HOXC4: variants seen among roughly 807,000 people sequenced by gnomAD.
HOXC4 encodes the protein homeobox protein Hox-C4.
Under a neutral mutation model 25.5 loss-of-function variants are expected in HOXC4, and 15 were observed. The observed-to-expected ratio is 0.59, with a 90% CI of 0.39 to 0.91. The LOEUF is 0.91. HOXC4 is among the 40% of genes least tolerant of loss of function. HOXC4 has a pLI of 0.00. For synonymous variants in HOXC4, 165 were observed against 148.0 expected (o/e 1.11, Z -0.83); for missense variants, 342 against 352.4 (o/e 0.97, Z 0.24).
intron 1 of HOXC4, chr12:54,028,357 C>G (rs1182940950): frequency 1.5e-6 from 1 of 670,714 alleles, no homozygotes; most frequent in East Asian, 2.8e-5. Flanking sequence ...TTTTTTCCCC[C>G]TTCCTGACAT....
intron 1 of HOXC4, among the ~76,000 whole-genome samples, chr12:54,019,666 GC>G (rs1038536730): frequency 2.6e-5 from 4 of 151,932 alleles, no homozygotes; most frequent in Admixed American, 2.6e-4. Context: ...TATTAGAAGG[GC>G]CCCCTCCCAC....
At chr12:54,029,881 C>A in intron 1 of HOXC4, 4 of 1,611,678 alleles carry the variant, frequency 2.5e-6, no homozygotes, top group Non-Finnish European at 3.4e-6. Context: ...TCTCGGGGGG[C>A]GGCGGAGGGG....
At chr12:54,030,526 G>A (rs1940946265) in intron 1 of HOXC4, 3 of 152,690 alleles carry the variant, frequency 2.0e-5, no homozygotes, top group Non-Finnish European at 4.4e-5. Context: ...AGAATCCTGG[G>A]GGTCATTATG....
intron 1 of HOXC4, chr12:54,028,808 C>T: frequency 1.9e-6 from 3 of 1,614,182 alleles, no homozygotes; most frequent in Non-Finnish European, 2.5e-6. Context: ...GGACATAACA[C>T]ACAGACCTCA....
intron 1 of HOXC4, among the ~76,000 whole-genome samples, chr12:54,048,539 T>C (rs898926369): frequency 2.0e-5 from 3 of 152,188 alleles, no homozygotes; most frequent in Non-Finnish European, 4.4e-5. Context: ...GGAGCACCCT[T>C]CTTGTGAAGC....
chr12:54,040,374 C>T (rs2136455955), intron 1 of HOXC4, among the ~76,000 whole-genome samples: 1 of 152,322 alleles, frequency 6.6e-6, no homozygotes, highest in African/African-American at 2.4e-5. Context: ...GGCCCTGTTC[C>T]TTCCTCCCTC....
chr12:54,054,957 C>T lies in HOXC4; in HGVS notation c.547C>T (p.Arg183Ter). The T allele has an allele frequency of 6.2e-7, 1 of 1,614,070 alleles. No individual in the cohort carries two copies. The highest frequency in any genetic ancestry group is 8.5e-7 in the Non-Finnish European group (1 of 1,180,018). Residue 183 changes from arginine to a stop codon, truncating the protein, a stop_gained, in exon 2 of 2, where the codon CGA becomes TGA. Transcript: ENST00000430889. LOFTEE classifies it high-confidence loss of function. The part of the protein sequence containing the change: ...KEFHYNRYLT[R>*]RRRIEIAHSL... ...GTTTCATTACAACCGCTACCTGACC[C>T]GAAGGAGAAGGATCGAGATCGCCCA...
intron 1 of HOXC4, chr12:54,029,854 T>G (rs983478792): frequency 6.2e-7 from 1 of 1,613,514 alleles, no homozygotes; most frequent in South Asian, 1.1e-5. Flanking sequence ...AAAAAGAATC[T>G]AATCTCACAT....
At position 54,053,848 on chromosome 12, in the gene HOXC4, C is replaced by T. The variant is rs1937903213; in HGVS notation, c.-75C>T. 3 of 1,164,874 alleles carry T rather than the reference C, an allele frequency of 2.6e-6. No homozygotes were observed. The East Asian group carries it at 7.1e-5, about 28-fold the overall frequency. 72.2% of individuals were successfully genotyped at this position (1,164,874 alleles called of 1,614,324 possible). ...CATGGTGAAAGTAACTTTACAGGGTCGCTAGCTAGTAGGAGGGCTTTATGG... is the reference window on the plus strand; with the variant it reads ...CATGGTGAAAGTAACTTTACAGGGTTGCTAGCTAGTAGGAGGGCTTTATGG... On this transcript the variant is annotated 5_prime_UTR_variant, in exon 1 of 2. Transcript: ENST00000430889.
chr12:54,052,729 C>A (rs971126920), upstream of HOXC4, among the ~76,000 whole-genome samples: 2 of 152,168 alleles, frequency 1.3e-5, no homozygotes, highest in Non-Finnish European at 2.9e-5. Flanking sequence ...GCCGTGCCTC[C>A]CCAACTTGGT....
upstream of HOXC4, among the ~76,000 whole-genome samples, chr12:54,050,427 G>T (rs1414933212): frequency 6.6e-6 from 1 of 152,220 alleles, no homozygotes; most frequent in Non-Finnish European, 1.5e-5. Context: ...GGCAAAGTGA[G>T]GTTGAGGACA....
At chr12:54,037,315 A>G (rs1484422453) in intron 1 of HOXC4, among the ~76,000 whole-genome samples, 1 of 152,172 alleles carries the variant, frequency 6.6e-6, no homozygotes, top group Admixed American at 6.5e-5. Flanking sequence ...ACATATTTCC[A>G]GGTAACAGGG....
At chr12:54,029,621 T>C (rs1940903615) in intron 1 of HOXC4, 1 of 1,593,944 alleles carries the variant, frequency 6.3e-7, no homozygotes, top group Non-Finnish European at 8.6e-7. Context: ...GCTTTGCTGA[T>C]TGCTTTTAGT....
chr12:54,036,021 T>C (rs1941177708), intron 1 of HOXC4, among the ~76,000 whole-genome samples: 2 of 151,906 alleles, frequency 1.3e-5, no homozygotes, highest in East Asian at 3.9e-4. Flanking sequence ...GACAATTAAC[T>C]GGGAAAGGAG....
intron 1 of HOXC4, chr12:54,030,139 A>T: frequency 1.7e-6 from 1 of 601,490 alleles, no homozygotes; most frequent in Non-Finnish European, 2.8e-6. Context: ...CCCTCACCGC[A>T]CAACTCTCTT....
intron 1 of HOXC4, chr12:54,033,089 A>G: frequency 6.4e-7 from 1 of 1,570,378 alleles, no homozygotes; most frequent in African/African-American, 1.4e-5. Flanking sequence ...CTTAATCAAA[A>G]AGGGTGCAGA....
Position 54,055,066 on chromosome 12 carries a change from A to C in HOXC4, c.656A>C (p.Asn219Thr). Residue 219 changes from asparagine (N) to threonine (T), a missense_variant, in exon 2 of 2, where the codon AAC becomes ACC. Transcript: ENST00000430889. ...MKWKKDHRLPNTKVRSAPPAG... is the reference protein window; with the variant it reads ...MKWKKDHRLPTTKVRSAPPAG... The stretch of plus-strand genomic sequence containing the variant: ...TGGAAGAAGGACCACCGACTCCCCA[A>C]CACCAAAGTCAGGTCAGCACCCCCG... 6.2e-7 allele frequency: 1 copy of C among 1,613,790 alleles called. No homozygotes were observed. Among genetic ancestry groups the C allele is most frequent in the Non-Finnish European group, 8.5e-7 (1 of 1,179,960 alleles).
At chr12:54,039,587 A>C (rs999841320) in intron 1 of HOXC4, among the ~76,000 whole-genome samples, 1 of 151,968 alleles carries the variant, frequency 6.6e-6, no homozygotes, top group Admixed American at 6.6e-5. Context: ...ATTGGAAAAA[A>C]CTAATTATCA....
At position 54,033,525 on chromosome 12, in the gene HOXC4, C is replaced by A. The variant is rs781557948; in HGVS notation, c.-124+16111C>A. 7.7e-6 allele frequency: 12 copies of A among 1,561,366 alleles called. No individual in the cohort carries two copies. The highest frequency in any genetic ancestry group is 4.0e-5 in the African/African-American group (3 of 74,334). The stretch of plus-strand genomic sequence containing the variant: ...GCAGCCCGCCGGACTGAGCCAGCCA[C>A]CGGCCCCGCCACAGATTTACCCGTG... On this transcript the variant is annotated intron_variant, in intron 1 of 3. Transcript: ENST00000303406.
Sources: gnomAD v4.1 joint callset for allele counts (sites outside exome capture counted in the v4.1 genomes callset) on GRCh38, gnomAD v4.1.1 for gene constraint, MANE v1.5 for transcripts, NCBI Gene and HGNC (gene_info 2026-07-23, HGNC 2026-07-21) for gene names.